The following DHX30 variants were observed in gnomAD, a reference collection of about 807,000 sequenced individuals.
DHX30 encodes the protein DExH-box helicase 30, also known as ATP-dependent RNA helicase DHX30.
In DHX30, 4 loss-of-function variants were observed where a neutral mutation model predicts 116.9. That is an observed-to-expected ratio of 0.03 (90% CI 0.02 to 0.08). The LOEUF is 0.08. Among genes scored for constraint, DHX30 ranks in the 10% least tolerant of loss-of-function variants. The probability of loss-of-function intolerance (pLI) is 1.00; values close to 1 mark genes in which losing one functional copy is unlikely to be tolerated. For missense variants in DHX30, 871 were observed against 1,595.1 expected, an observed-to-expected ratio of 0.55 and a Z score of 7.73; for synonymous variants, 697 against 651.7, an observed-to-expected ratio of 1.07 and a Z score of -1.06.
chr3:47,824,821 G>C (rs1244749531), intron 4 of DHX30: 1 of 414,722 alleles, frequency 2.4e-6, no homozygotes, highest in Non-Finnish European at 4.2e-6. Flanking sequence ...AGATTTGCTG[G>C]AGAGTGAGCT....
chr3:47,828,382 C>T (rs1485983250), intron 5 of DHX30, among the ~76,000 whole-genome samples: 3 of 150,672 alleles, frequency 2.0e-5, no homozygotes, highest in Admixed American at 2.0e-4. Flanking sequence ...ATTGCTTGAG[C>T]CCAGGAGGTT....
At chr3:47,824,512 A>G (rs2036448502) in intron 4 of DHX30, among the ~76,000 whole-genome samples, 1 of 151,964 alleles carries the variant, frequency 6.6e-6, no homozygotes, top group Non-Finnish European at 1.5e-5. Context: ...GACTGGTCTC[A>G]AAATCCTGGG....
rs745490648 is a variant in DHX30 at position 47,848,275 on chromosome 3, G to C, written c.2382G>C (p.Leu794Phe). Reference protein sequence around the residue: ...GRCQSGFAYHLFPRSRLEKMV... With the variant: ...GRCQSGFAYHFFPRSRLEKMV... ...GCCAGTCCGGCTTTGCCTACCACTTGTTCCCTCGAAGCCGGCTGGAGAAAA... is the reference window on the plus strand; with the variant it reads ...GCCAGTCCGGCTTTGCCTACCACTTCTTCCCTCGAAGCCGGCTGGAGAAAA... The change falls in exon 15 of 22, where the codon TTG becomes TTC. Residue 794 changes from leucine to phenylalanine, a missense_variant. Physicochemically the swap from Leu to Phe is conservative, Grantham distance 22. This residue lies in a region of DHX30 where 14 missense variants were observed against 16.2 expected (regional missense o/e 0.86). Coordinates refer to ENST00000445061, the MANE Select transcript of DHX30 (RefSeq NM_138615.3). This position sits in a 1 kb window ranked among gnomAD's most constrained non-coding sequence, Gnocchi z 9.4. The C allele has an allele frequency of 6.2e-7, 1 of 1,613,838 alleles. No individual in the cohort carries two copies. The highest frequency in any genetic ancestry group is 8.5e-7 in the Non-Finnish European group (1 of 1,179,984).
chr3:47,824,246 G>A (rs980167431), intron 4 of DHX30, among the ~76,000 whole-genome samples: 15 of 151,916 alleles, frequency 9.9e-5, no homozygotes, highest in Admixed American at 3.3e-4. Flanking sequence ...CAGGTGATCT[G>A]CCTGCCTCGG....
intron 4 of DHX30, among the ~76,000 whole-genome samples, chr3:47,821,422 T>C (rs1377017447): frequency 6.6e-6 from 1 of 152,142 alleles, no homozygotes; most frequent in African/African-American, 2.4e-5. Context: ...TGTGCCACTA[T>C]GCCTGGCTAA....
chr3:47,850,146 C>G lies in DHX30; in HGVS notation c.*26C>G. 1 of 1,559,686 alleles carries G rather than the reference C, an allele frequency of 6.4e-7. No individual in the cohort carries two copies. The highest frequency in any genetic ancestry group is 8.7e-7 in the Non-Finnish European group (1 of 1,155,260). ...GCCCTGCTTCTGCTGGGGCTGTGTA[C>G]AGAGTGCAAATGTTTATTTAAAATA... is the stretch of plus-strand genomic sequence containing the variant. On this transcript the variant is annotated 3_prime_UTR_variant, in exon 22 of 22. Coordinates refer to ENST00000445061, the MANE Select transcript of DHX30 (RefSeq NM_138615.3).
chr3:47,819,239 G>A (rs1463767354), intron 4 of DHX30: 1 of 1,367,754 alleles, frequency 7.3e-7, no homozygotes, highest in Admixed American at 1.9e-5. Flanking sequence ...CGAAAAGGCT[G>A]AACGTTAACA....
Position 47,825,311 on chromosome 3 carries a change from G to A in DHX30, c.125-2036G>A, listed in dbSNP as rs1255212371. The A allele has an allele frequency of 2.6e-5, 14 of 539,360 alleles. No homozygotes were observed. The Admixed American group carries it at 5.6e-4, about 21-fold the overall frequency. The allele number at this position is 539,360 out of a possible 1,614,324, so 33.4% of individuals were successfully genotyped here. ...TTGACTCCTGGGATGGCAGAGCTAGGGGCGCGGGCCGAAATCGGGCCTGGC... is the reference window on the plus strand; with the variant it reads ...TTGACTCCTGGGATGGCAGAGCTAGAGGCGCGGGCCGAAATCGGGCCTGGC... On this transcript the variant is annotated intron_variant, in intron 4 of 21. Transcript: ENST00000445061.
At position 47,823,387 on chromosome 3, in the gene DHX30, C is replaced by T. The variant is rs373995490; in HGVS notation, c.125-3960C>T. Among the ~76,000 whole-genome samples the T allele has an allele frequency of 4.0e-3, 571 of 142,056 alleles. 5 individuals are homozygous for T. The highest frequency in any genetic ancestry group is 0.013 in the African/African-American group (514 of 38,246). 93.2% of individuals were successfully genotyped at this position (142,056 alleles called of 152,430 possible). On this transcript the variant is annotated intron_variant, in intron 4 of 21. Transcript: ENST00000445061. ...TTTTTTTTTTTTTGTCTTTTTGAGA[C>T]GGAGTCTCACTCTGTTGCCAGGCTG...
At chr3:47,840,123 A>G (rs2037304035) in intron 6 of DHX30, among the ~76,000 whole-genome samples, 1 of 150,728 alleles carries the variant, frequency 6.6e-6, no homozygotes. Context: ...CAGCCTCCCA[A>G]GTAGCTGGGA....
chr3:47,824,521 G>T (rs1389911825), intron 4 of DHX30, among the ~76,000 whole-genome samples: 1 of 151,758 alleles, frequency 6.6e-6, no homozygotes, highest in East Asian at 1.9e-4. Context: ...CAAAATCCTG[G>T]GCTCAGGGGA....
At chr3:47,839,933 C>G (rs960293301) in intron 6 of DHX30, among the ~76,000 whole-genome samples, 3 of 152,076 alleles carry the variant, frequency 2.0e-5, no homozygotes, top group Admixed American at 6.5e-5. Context: ...CCTGGGCCTC[C>G]CAGAGTTCTG....
intron 3 of DHX30, chr3:47,816,109 C>G (rs2036038437): frequency 2.0e-6 from 2 of 984,746 alleles, no homozygotes; most frequent in Non-Finnish European, 2.4e-6. Context: ...ATCCTACAAG[C>G]ACGTCTGCTG....
Position 47,846,530 on chromosome 3 carries a change from T to G in DHX30, c.1458T>G (p.Val486=), listed in dbSNP as rs757649218. The change falls in exon 11 of 22, where the codon GTT becomes GTG. Residue 486 remains valine (V), a synonymous_variant. Coordinates refer to ENST00000445061, the MANE Select transcript of DHX30 (RefSeq NM_138615.3). ...AGGGCCGAGGTGCCCGCTGCAATGT[T>G]ATCATCACCCAACCTCGCCGCATCT... ...VTEGRGARCN[V]IITQPRRISA... is the part of the protein sequence containing the mutation. The G allele has an allele frequency of 1.3e-5, 21 of 1,614,090 alleles. No homozygotes were observed. The highest frequency in any genetic ancestry group is 1.8e-5 in the Non-Finnish European group (21 of 1,180,022).
chr3:47,849,846 CCAT>C lies in DHX30; in HGVS notation c.3332-19_3332-17del. ...GGCCTGGCCTCACCACAGTTCCCCA[CCAT>C]CTTTTCCATTCCCTCAGATGACGGG... is the stretch of plus-strand genomic sequence containing the variant. On this transcript the variant is annotated intron_variant, in intron 21 of 21. Transcript: ENST00000445061. The C allele has an allele frequency of 6.2e-7, 1 of 1,610,878 alleles. No individual in the cohort carries two copies. Among genetic ancestry groups the C allele is most frequent in the Non-Finnish European group, 8.5e-7 (1 of 1,177,622 alleles).
Position 47,848,418 on chromosome 3 carries a change from G to C in DHX30, c.2493+32G>C, listed in dbSNP as rs2037714083. On this transcript the variant is annotated intron_variant, in intron 15 of 21. Transcript: ENST00000445061. This position sits in a 1 kb window ranked among gnomAD's most constrained non-coding sequence, Gnocchi z 9.4. ...CGGGGCGGGGCAGGGGCTGGCCTGG[G>C]GACCAGGCAGGTGGGAGGCAGGCTC... 6.2e-7 allele frequency: 1 copy of C among 1,613,822 alleles called. No homozygotes were observed. Among genetic ancestry groups the C allele is most frequent in the South Asian group, 1.1e-5 (1 of 91,084 alleles).
At chr3:47,825,134 C>A in intron 4 of DHX30, 1 of 674,078 alleles carries the variant, frequency 1.5e-6, no homozygotes, top group South Asian at 1.5e-5. Flanking sequence ...CAGGGTCGCT[C>A]GCGCGGCTTC....
chr3:47,828,913 C>T (rs2036675866), intron 5 of DHX30, 111 bp from the exon 6 acceptor site: 1 of 675,998 alleles, frequency 1.5e-6, no homozygotes, highest in Non-Finnish European at 2.7e-6. Context: ...TAGCACATTG[C>T]TGCTGTGAGG....
intron 6 of DHX30, among the ~76,000 whole-genome samples, chr3:47,831,592 G>C (rs937003183): frequency 4.0e-5 from 6 of 151,706 alleles, no homozygotes; most frequent in Non-Finnish European, 7.4e-5. Flanking sequence ...CCTTGGCTCT[G>C]ATCCACTGCA....
Sources: gnomAD v4.1 joint callset for allele counts (sites outside exome capture counted in the v4.1 genomes callset) on GRCh38, gnomAD v4.1.1 for gene constraint, gnomAD v4.1.1 regional missense constraint, Gnocchi (gnomAD v3.1) non-coding constraint, MANE v1.5 for transcripts, NCBI Gene and HGNC (gene_info 2026-07-23, HGNC 2026-07-21) for gene names.